Variants in SNTG1 observed in about 807,000 individuals in gnomAD.
The protein encoded by SNTG1 is syntrophin gamma 1.
In SNTG1, 39 loss-of-function variants were observed where a neutral mutation model predicts 74.7. The observed-to-expected ratio is 0.52, with a 90% CI of 0.40 to 0.68. The LOEUF is 0.68. SNTG1 is among the 30% of genes least tolerant of loss of function. The probability of loss-of-function intolerance (pLI) is 0.00; values close to 1 mark genes in which losing one functional copy is unlikely to be tolerated. For synonymous variants in SNTG1, 254 were observed against 217.1 expected, an observed-to-expected ratio of 1.17 and a Z score of -1.49; for missense variants, 685 against 609.5, an observed-to-expected ratio of 1.12 and a Z score of -1.30.
chr8:50,149,823 T>G (rs554621917), intron 1 of SNTG1, among the ~76,000 whole-genome samples: 20 of 152,200 alleles, frequency 1.3e-4, no homozygotes, highest in East Asian at 1.2e-3. Flanking sequence ...AAGTCAGGTA[T>G]CGTGATGCTT....
chr8:50,204,335 T>G (rs1036076736), intron 2 of SNTG1, among the ~76,000 whole-genome samples: 1 of 152,128 alleles, frequency 6.6e-6, no homozygotes, highest in Non-Finnish European at 1.5e-5. Flanking sequence ...TGAATTGTAG[T>G]CAACACTCAG....
chr8:50,059,666 T>C (rs1820313814), intron 1 of SNTG1, among the ~76,000 whole-genome samples: 2 of 152,162 alleles, frequency 1.3e-5, no homozygotes, highest in African/African-American at 4.8e-5. Flanking sequence ...TCGTAGTGTG[T>C]ATCACCTAGA....
At chr8:50,269,903 A>C (rs1396315092) in intron 2 of SNTG1, among the ~76,000 whole-genome samples, 1 of 152,194 alleles carries the variant, frequency 6.6e-6, no homozygotes, top group East Asian at 1.9e-4. Context: ...TTTTTGGAAA[A>C]GTTCATGGAA....
At position 50,377,417 on chromosome 8, in the gene SNTG1, ATTC is replaced by A. The variant is rs564958268; in HGVS notation, c.-27-16791_-27-16789del. On this transcript the variant is annotated intron_variant, in intron 2 of 18. Coordinates refer to ENST00000642720, the MANE Select transcript of SNTG1 (RefSeq NM_018967.5). The stretch of plus-strand genomic sequence containing the variant: ...GGAGAACAATTTTGCAAAATAGGGT[ATTC>A]TTCAGTTTTTTGGAAAACGTTTTAT... Among the ~76,000 whole-genome samples the A allele has an allele frequency of 3.9e-5, 6 of 152,100 alleles. No individual in the cohort carries two copies. In the South Asian group the frequency reaches 1.0e-3, roughly 26 times the overall value.
At chr8:49,963,087 G>A (rs1810841315) in intron 1 of SNTG1, among the ~76,000 whole-genome samples, 1 of 152,230 alleles carries the variant, frequency 6.6e-6, no homozygotes, top group African/African-American at 2.4e-5. Context: ...TGTAGCAGAT[G>A]AAAGCTAAAC....
At chr8:50,703,403 T>C (rs1342455503) in intron 15 of SNTG1, among the ~76,000 whole-genome samples, 1 of 152,110 alleles carries the variant, frequency 6.6e-6, no homozygotes, top group Non-Finnish European at 1.5e-5. Flanking sequence ...AGTTCCATCA[T>C]CACATCTTGT....
intron 18 of SNTG1, among the ~76,000 whole-genome samples, chr8:50,783,694 G>C (rs4375012): frequency 6.6e-6 from 1 of 151,892 alleles, no homozygotes; most frequent in Non-Finnish European, 1.5e-5. Flanking sequence ...TGCACGGTGC[G>C]CTGCACCCAG....
chr8:50,631,294 C>A (rs886447309), intron 13 of SNTG1, among the ~76,000 whole-genome samples: 1 of 152,178 alleles, frequency 6.6e-6, no homozygotes, highest in African/African-American at 2.4e-5. Context: ...CATTTCCTCA[C>A]AGCACCATAA....
intron 2 of SNTG1, among the ~76,000 whole-genome samples, chr8:50,306,144 A>T (rs1178099417): frequency 6.6e-6 from 1 of 151,370 alleles, no homozygotes. Flanking sequence ...AAGAATATAC[A>T]GTATTTGATT....
chr8:50,182,490 G>A (rs1055545401), intron 2 of SNTG1, among the ~76,000 whole-genome samples: 1 of 151,884 alleles, frequency 6.6e-6, no homozygotes. Context: ...GAGATAAATA[G>A]GTACAAGATG....
At chr8:50,600,193 T>C (rs1302156703) in intron 13 of SNTG1, among the ~76,000 whole-genome samples, 1 of 152,134 alleles carries the variant, frequency 6.6e-6, no homozygotes, top group Non-Finnish European at 1.5e-5. Context: ...GTGTTGAATT[T>C]GCGTTGACAG....
Position 50,120,229 on chromosome 8 carries a change from A to C in SNTG1, c.-102-52332A>C, listed in dbSNP as rs1357860707. On this transcript the variant is annotated intron_variant, in intron 1 of 18. Coordinates refer to ENST00000642720, the MANE Select transcript of SNTG1 (RefSeq NM_018967.5). ...GCACTCTGAATAATGCCTGACCCTT[A>C]GAAAACACTTAAGAAAAAGTTAGAT... Among the ~76,000 whole-genome samples the C allele has an allele frequency of 2.1e-5, 3 of 141,200 alleles. 1 individual carries two copies. The highest frequency in any genetic ancestry group is 7.7e-5 in the African/African-American group (3 of 39,054). 92.6% of individuals were successfully genotyped at this position (141,200 alleles called of 152,430 possible). A position where few individuals can be genotyped will look rare whatever the true frequency, so the allele number is the denominator to read the frequency against.
At chr8:50,208,946 G>C (rs1328237396) in intron 2 of SNTG1, among the ~76,000 whole-genome samples, 1 of 152,118 alleles carries the variant, frequency 6.6e-6, no homozygotes, top group Non-Finnish European at 1.5e-5. Context: ...CGCCTCACCT[G>C]GGAAGTGCAA....
At chr8:50,507,632 T>G (rs76537197) in intron 9 of SNTG1, among the ~76,000 whole-genome samples, 3,694 of 152,238 alleles carry the variant, frequency 0.024, 136 homozygotes, top group African/African-American at 0.081. Context: ...ATATTACTCT[T>G]TAACAATCAT....
At chr8:50,208,627 T>G (rs755612028) in intron 2 of SNTG1, among the ~76,000 whole-genome samples, 73 of 152,228 alleles carry the variant, frequency 4.8e-4, no homozygotes, top group Non-Finnish European at 9.3e-4. Context: ...GTTATGTTGC[T>G]TGTTAGTTGA....
intron 1 of SNTG1, among the ~76,000 whole-genome samples, chr8:49,932,793 C>T (rs1483371326): frequency 1.3e-5 from 2 of 152,216 alleles, no homozygotes; most frequent in Non-Finnish European, 2.9e-5. Flanking sequence ...CCTCCCAGAC[C>T]TTGGCAACCA....
intron 2 of SNTG1, among the ~76,000 whole-genome samples, chr8:50,278,952 G>A (rs555747116): frequency 6.6e-6 from 1 of 152,182 alleles, no homozygotes; most frequent in African/African-American, 2.4e-5. Context: ...GGATCATTTT[G>A]ATATTGTCAT....
chr8:50,371,275 A>G lies in SNTG1; in HGVS notation c.-27-22937A>G, dbSNP rs77117657. ...GATGTTATCTGACTCACTAAGCCATAAAGTCGGGTGTGCACAGCAGTACTC... is the reference window on the plus strand; with the variant it reads ...GATGTTATCTGACTCACTAAGCCATGAAGTCGGGTGTGCACAGCAGTACTC... On this transcript the variant is annotated intron_variant, in intron 2 of 18. Transcript: ENST00000642720. 2.1e-3 allele frequency among the ~76,000 whole-genome samples: 314 copies of G among 152,288 alleles called. 2 individuals carry two copies. The highest frequency in any genetic ancestry group is 7.2e-3 in the African/African-American group (301 of 41,546).
intron 13 of SNTG1, among the ~76,000 whole-genome samples, chr8:50,635,032 A>G (rs1378948267): frequency 3.9e-5 from 6 of 152,098 alleles, no homozygotes; most frequent in African/African-American, 1.4e-4. Flanking sequence ...GCTCCTCCCA[A>G]ATGTAAAATA....
Sources: allele counts gnomAD v4.1 joint callset (sites outside exome capture counted in the v4.1 genomes callset), GRCh38; gene constraint gnomAD v4.1.1; transcripts MANE v1.5; gene names NCBI Gene and HGNC (gene_info 2026-07-23, HGNC 2026-07-21).